EZH1: variants seen among roughly 807,000 people sequenced by gnomAD.
EZH1 encodes enhancer of zeste 1 polycomb repressive complex 2 subunit.
EZH1 carries 33 observed loss-of-function variants against 100.5 expected under a neutral mutation model. The ratio of observed to expected loss-of-function variants is 0.33; its 90% CI spans 0.25 to 0.44. The LOEUF (loss-of-function observed/expected upper bound fraction) is 0.44, where lower values mean the gene tolerates loss of function less well. Ranked by LOEUF, EZH1 falls within the 20% of genes least tolerant of loss-of-function variation. The pLI, the probability that EZH1 is intolerant of heterozygous loss-of-function variation, is 1.00. For synonymous variants in EZH1, 272 were observed against 313.8 expected (o/e 0.87, Z 1.41); for missense variants, 475 against 928.4 (o/e 0.51, Z 6.35).
rs912551146 is a variant in EZH1 at position 42,718,725 on chromosome 17, G to A, written c.768-108C>T. 3 of 1,171,846 alleles carry A rather than the reference G, an allele frequency of 2.6e-6. No homozygotes were observed. Among genetic ancestry groups the A allele is most frequent in the Non-Finnish European group, 3.6e-6 (3 of 827,272 alleles). 72.6% of individuals were successfully genotyped at this position (1,171,846 alleles called of 1,614,324 possible). On this transcript the variant is annotated intron_variant, in intron 8 of 20. Coordinates refer to ENST00000428826, the MANE Select transcript of EZH1 (RefSeq NM_001991.5). This position sits in a 1 kb window ranked among gnomAD's most constrained non-coding sequence, Gnocchi z 4.2. ...ACCTACGGTCTGCCAAGGGAGGATG[G>A]GTGTTTTTTATAGGTCTGGTTGATA...
In EZH1 at chr17:42,702,612, A is replaced by G; in HGVS notation, c.2184-20T>C. On this transcript the variant is annotated intron_variant, in intron 20 of 20. Transcript: ENST00000428826. ...CTGTACCTGTCCCAGAGCAGGGAAG[A>G]GGAACCAGGTTACTCTCATGACTTT... 1 of 1,560,804 alleles carries G rather than the reference A, an allele frequency of 6.4e-7. No homozygotes were observed. Among genetic ancestry groups the G allele is most frequent in the Non-Finnish European group, 8.7e-7 (1 of 1,149,920 alleles).
intron 10 of EZH1, among the ~76,000 whole-genome samples, chr17:42,717,235 C>A (rs1453914134): frequency 6.6e-6 from 1 of 152,076 alleles, no homozygotes; most frequent in Non-Finnish European, 1.5e-5. Context: ...AAAAAATAAA[C>A]CCAATAACGT....
In EZH1 at chr17:42,745,034, C is replaced by A. The variant is rs531275685; in HGVS notation, c.-126G>T. The A allele has an allele frequency of 1.8e-3, 2,308 of 1,272,688 alleles. 5 individuals carry two copies. Among genetic ancestry groups the A allele is most frequent in the Middle Eastern group, 2.6e-3 (12 of 4,634 alleles). The allele number at this position is 1,272,688 out of a possible 1,614,324, so 78.8% of individuals were successfully genotyped here. A position where few individuals can be genotyped will look rare whatever the true frequency, so the allele number is the denominator to read the frequency against. ...ACCCTCCATCCCGAGCCGCGGGTCCCGCTGCTAGGACGCATGCGCGCCGCG... is the reference window on the plus strand; with the variant it reads ...ACCCTCCATCCCGAGCCGCGGGTCCAGCTGCTAGGACGCATGCGCGCCGCG... On this transcript the variant is annotated 5_prime_UTR_variant, in exon 1 of 21. Transcript: ENST00000428826.
intron 10 of EZH1, among the ~76,000 whole-genome samples, chr17:42,715,335 G>C (rs1003116329): frequency 6.7e-6 from 1 of 149,906 alleles, no homozygotes; most frequent in Non-Finnish European, 1.5e-5. Flanking sequence ...ACAGTAGCAT[G>C]ATCTCAGCTC....
intron 11 of EZH1, among the ~76,000 whole-genome samples, chr17:42,712,953 G>A (rs370202938): frequency 3.5e-5 from 5 of 144,594 alleles, no homozygotes; most frequent in East Asian, 4.1e-4. Flanking sequence ...CAGGAGAATC[G>A]CTTGAACCTG....
At chr17:42,703,127 T>C (rs2143702392) in intron 19 of EZH1, 166 bp from the exon 20 acceptor site, 2 of 622,874 alleles carry the variant, frequency 3.2e-6, no homozygotes, top group Non-Finnish European at 5.7e-6. Flanking sequence ...TCTGTTATTA[T>C]GGCAGAAAAA....
rs987207317 is a variant in EZH1 at position 42,700,284 on chromosome 17, A to T, written c.*2248T>A. On this transcript the variant is annotated 3_prime_UTR_variant, in exon 21 of 21. Transcript: ENST00000428826. Reference sequence around the variant, plus strand: ...ACACAACTTGCCAAAATGGATTCTAACACTTTATTAAGAGGTCACAAGCCA... The same window carrying T: ...ACACAACTTGCCAAAATGGATTCTATCACTTTATTAAGAGGTCACAAGCCA... The T allele has an allele frequency of 6.5e-6, 1 of 152,758 alleles. No individual in the cohort carries two copies. The highest frequency in any genetic ancestry group is 2.4e-5 in the African/African-American group (1 of 41,446). 9.5% of individuals were successfully genotyped at this position (152,758 alleles called of 1,614,324 possible). A position where few individuals can be genotyped will look rare whatever the true frequency, so the allele number is the denominator to read the frequency against.
intron 1 of EZH1, among the ~76,000 whole-genome samples, chr17:42,738,175 C>CGAA (rs2054102477): frequency 1.7e-5 from 1 of 57,180 alleles, no homozygotes; most frequent in South Asian, 5.4e-4. Context: ...GACTCTGTCT[C>CGAA]AAAAAAAAAA....
rs772702570 is a variant in EZH1 at position 42,718,648 on chromosome 17, C to T, written c.768-31G>A. 1.9e-6 allele frequency: 3 copies of T among 1,611,512 alleles called. No homozygotes were observed. Among genetic ancestry groups the T allele is most frequent in the African/African-American group, 1.3e-5 (1 of 74,840 alleles). On this transcript the variant is annotated intron_variant, in intron 8 of 20. Coordinates refer to ENST00000428826, the MANE Select transcript of EZH1 (RefSeq NM_001991.5). This position sits in a 1 kb window ranked among gnomAD's most constrained non-coding sequence, Gnocchi z 4.2. ...TAAGAAAAGAGAGATAAGAGTTCCT[C>T]CGAGGAACTGCCTCCACTGAGGAAA...
intron 3 of EZH1, among the ~76,000 whole-genome samples, chr17:42,728,530 A>G (rs2053870525): frequency 6.7e-6 from 1 of 150,024 alleles, no homozygotes; most frequent in Non-Finnish European, 1.5e-5. Flanking sequence ...TCACGAGGTC[A>G]GGAGATCGAG....
rs2053366484 is a variant in EZH1, at chr17:42,706,965, T to C, written c.1661-780A>G. Reference sequence around the variant, plus strand: ...ACTATCTGCTATGGGTTAGGAGGTATTTCCTCCAGCAAAACCGCCTGGGCA... The same window carrying C: ...ACTATCTGCTATGGGTTAGGAGGTACTTCCTCCAGCAAAACCGCCTGGGCA... On this transcript the variant is annotated intron_variant, in intron 15 of 20. Coordinates refer to ENST00000428826, the MANE Select transcript of EZH1 (RefSeq NM_001991.5). This position sits in a 1 kb window ranked among gnomAD's most constrained non-coding sequence, Gnocchi z 4.4. Among the ~76,000 whole-genome samples the C allele has an allele frequency of 6.6e-6, 1 of 152,170 alleles. No homozygotes were observed. Among genetic ancestry groups the C allele is most frequent in the African/African-American group, 2.4e-5 (1 of 41,438 alleles).
chr17:42,708,850 C>A, intron 14 of EZH1, 26 bp downstream of exon 14: 1 of 1,613,982 alleles, frequency 6.2e-7, no homozygotes, highest in East Asian at 2.2e-5. Flanking sequence ...AGCTGAACTG[C>A]TGAAGAATGC....
chr17:42,720,710 A>G (rs1488221607), intron 6 of EZH1, among the ~76,000 whole-genome samples: 3 of 151,982 alleles, frequency 2.0e-5, no homozygotes, highest in Non-Finnish European at 4.4e-5. Context: ...CCCAGGCTGG[A>G]GTGCAATGGC....
intron 13 of EZH1, chr17:42,709,617 C>T (rs1250173936): frequency 4.5e-6 from 2 of 445,308 alleles, no homozygotes; most frequent in Non-Finnish European, 8.0e-6. Context: ...AATAGAAAAA[C>T]AGACAGTTAT....
At chr17:42,720,533 C>T (rs1365293758) in intron 6 of EZH1, 84 bp from the exon 7 acceptor site, 5 of 1,220,004 alleles carry the variant, frequency 4.1e-6, no homozygotes, top group African/African-American at 1.5e-5. Flanking sequence ...GTACTCACTC[C>T]AGAGGCCCAG....
intron 5 of EZH1, 111 bp downstream of exon 5, chr17:42,724,194 G>A (rs900081408): frequency 9.4e-6 from 12 of 1,276,726 alleles, no homozygotes; most frequent in Non-Finnish European, 1.1e-5. Flanking sequence ...TGCCCTGCAT[G>A]TCCTAGCTGT....
In EZH1 at chr17:42,718,717, G is replaced by A; in HGVS notation, c.768-100C>T. ...AGTAGCTCACCTACGGTCTGCCAAG[G>A]GAGGATGGGTGTTTTTTATAGGTCT... On this transcript the variant is annotated intron_variant, in intron 8 of 20. Transcript: ENST00000428826. The surrounding 1 kb of genome is among the most constrained non-coding windows in gnomAD (Gnocchi z 4.2). The A allele has an allele frequency of 7.9e-7, 1 of 1,260,248 alleles. No homozygotes were observed. Among genetic ancestry groups the A allele is most frequent in the South Asian group, 1.4e-5 (1 of 73,784 alleles). 78.1% of individuals were successfully genotyped at this position (1,260,248 alleles called of 1,614,324 possible).
chr17:42,713,176 A>G (rs766527434), intron 11 of EZH1, 33 bp downstream of exon 11: 2 of 1,607,692 alleles, frequency 1.2e-6, no homozygotes, highest in South Asian at 1.1e-5. Flanking sequence ...CCTTGCATGG[A>G]AAGAAAAAGT....
intron 10 of EZH1, among the ~76,000 whole-genome samples, chr17:42,714,886 A>T (rs1369805362): frequency 5.0e-5 from 7 of 138,654 alleles, no homozygotes; most frequent in African/African-American, 1.9e-4. Flanking sequence ...TTATATATAT[A>T]ATATATAATA....
Sources: allele counts gnomAD v4.1 joint callset (sites outside exome capture counted in the v4.1 genomes callset), GRCh38; gene constraint gnomAD v4.1.1; non-coding constraint Gnocchi (gnomAD v3.1); transcripts MANE v1.5; gene names NCBI Gene and HGNC (gene_info 2026-07-23, HGNC 2026-07-21).